The following OSBPL2 variants were observed in gnomAD, a reference collection of about 807,000 sequenced individuals.
OSBPL2 encodes the protein oxysterol binding protein like 2, also known as oxysterol-binding protein-related protein 2.
A neutral mutation model predicts 58.4 loss-of-function variants in OSBPL2; 18 were observed. That is an observed-to-expected ratio of 0.31 (90% CI 0.21 to 0.46). The LOEUF (loss-of-function observed/expected upper bound fraction) is 0.46, where lower values mean the gene tolerates loss of function less well. Among genes scored for constraint, OSBPL2 ranks in the 20% least tolerant of loss-of-function variants. The pLI is 1.00. For missense variants in OSBPL2, 461 were observed against 616.5 expected (o/e 0.75, Z 2.67); for synonymous variants, 221 against 234.1 (o/e 0.94, Z 0.51).
chr20:62,252,131 G>C (rs770880917), intron 1 of OSBPL2, among the ~76,000 whole-genome samples: 1 of 151,888 alleles, frequency 6.6e-6, no homozygotes, highest in African/African-American at 2.4e-5. Context: ...CGATCCACCT[G>C]CCTCAGCCTC....
At chr20:62,282,378 C>G (rs552362719) in intron 9 of OSBPL2, among the ~76,000 whole-genome samples, 2 of 152,302 alleles carry the variant, frequency 1.3e-5, no homozygotes, top group African/African-American at 4.8e-5. Context: ...CAGTACTGTT[C>G]CAACAAATTT....
chr20:62,261,723 C>CT, intron 3 of OSBPL2, among the ~76,000 whole-genome samples: 1 of 152,294 alleles, frequency 6.6e-6, no homozygotes, highest in South Asian at 2.1e-4. Context: ...CCTCTGCATC[C>CT]CTGCCTTTTA....
Position 62,289,329 on chromosome 20 carries a change from G to A in OSBPL2, c.1248G>A (p.Met416Ile), listed in dbSNP as rs1426645697. ...PDIRGMENGN[M>I]DLASQEKERL... ...TCCGCGGCATGGAGAATGGCAACAT[G>A]GGTGCGTCCACGCAGTCAGAGGAGG... The change falls in exon 12 of 14, where the codon ATG (methionine) becomes ATA (isoleucine). Residue 416 changes from methionine to isoleucine, a missense_variant and splice_region_variant. Transcript: ENST00000313733. 1 of 1,612,392 alleles carries A rather than the reference G, an allele frequency of 6.2e-7. No individual in the cohort carries two copies. The highest frequency in any genetic ancestry group is 1.7e-5 in the Admixed American group (1 of 59,830).
intron 2 of OSBPL2, among the ~76,000 whole-genome samples, chr20:62,256,904 C>T (rs1178454810): frequency 6.6e-6 from 1 of 152,236 alleles, no homozygotes; most frequent in Non-Finnish European, 1.5e-5. Context: ...CATGTTCATT[C>T]TCCACTCTTC....
chr20:62,289,006 T>TA (rs1231661085), intron 11 of OSBPL2, among the ~76,000 whole-genome samples: 1 of 152,180 alleles, frequency 6.6e-6, no homozygotes, highest in East Asian at 1.9e-4. Flanking sequence ...ATGCAAACGT[T>TA]ACAGCCGCAG....
chr20:62,278,043 G>C (rs1982499245), intron 6 of OSBPL2, among the ~76,000 whole-genome samples: 1 of 152,312 alleles, frequency 6.6e-6, no homozygotes, highest in Admixed American at 6.5e-5. Context: ...TGTAAGGATT[G>C]CTTCTCCACC....
At chr20:62,245,927 C>A (rs910351873) in intron 1 of OSBPL2, among the ~76,000 whole-genome samples, 1 of 152,342 alleles carries the variant, frequency 6.6e-6, no homozygotes, top group South Asian at 2.1e-4. Flanking sequence ...TGGCAGAAGG[C>A]GTGTTTCAGT....
rs1446819309 is a variant in OSBPL2 at position 62,286,727 on chromosome 20, T to C, written c.1125+16T>C. 5 of 1,601,156 alleles carry C rather than the reference T, an allele frequency of 3.1e-6. No individual in the cohort carries two copies. The highest frequency in any genetic ancestry group is 4.3e-6 in the Non-Finnish European group (5 of 1,171,234). ...CTCTGCCCAGGTCTGTGTCCCTCCA[T>C]GGCCTGACGTCTCTGCCTGCTCATG... is the stretch of plus-strand genomic sequence containing the variant. On this transcript the variant is annotated intron_variant, in intron 11 of 13. Transcript: ENST00000313733.
chr20:62,271,254 A>G (rs966714032), intron 4 of OSBPL2, among the ~76,000 whole-genome samples: 3 of 6,166 alleles, frequency 4.9e-4, no homozygotes, highest in African/African-American at 6.3e-4. Context: ...CCACTAAGCC[A>G]TGCGCCCTGC....
rs1601160124 is a variant in OSBPL2 at position 62,256,248 on chromosome 20, A to G, written c.37+27A>G. ...TGAGTCAAAAGAGAACCAACTGGGGACGTACTGGAAGGGTGAACGTCCCTG... is the reference window on the plus strand; with the variant it reads ...TGAGTCAAAAGAGAACCAACTGGGGGCGTACTGGAAGGGTGAACGTCCCTG... On this transcript the variant is annotated intron_variant, in intron 2 of 13. Coordinates refer to ENST00000313733, the MANE Select transcript of OSBPL2 (RefSeq NM_144498.4). 5.0e-6 allele frequency: 8 copies of G among 1,605,796 alleles called. No individual in the cohort carries two copies. In the East Asian group the frequency reaches 1.8e-4, roughly 36 times the overall value.
rs1303341578 is a variant in OSBPL2 at position 62,269,225 on chromosome 20, C to T, written c.259-2900C>T. Among the ~76,000 whole-genome samples, 4 of 152,262 alleles carry T rather than the reference C, an allele frequency of 2.6e-5. No individual in the cohort carries two copies. Among genetic ancestry groups the T allele is most frequent in the African/African-American group, 7.2e-5 (3 of 41,542 alleles). ...CCGACTTCTGAATCTTTTAATGGCG[C>T]GGCGCTCCCTCACATGGCTGCCACC... On this transcript the variant is annotated intron_variant, in intron 4 of 13. Transcript: ENST00000313733. The surrounding 1 kb of genome is among the most constrained non-coding windows in gnomAD (Gnocchi z 4.2).
rs906682590 is a variant in OSBPL2 at position 62,294,016 on chromosome 20, C to T, written c.*129C>T. Reference sequence around the variant, plus strand: ...ACTGAGTTCGCGGAGATAGCATCATCCCTGATCAAGGATGTAATTCTAATT... The same window carrying T: ...ACTGAGTTCGCGGAGATAGCATCATTCCTGATCAAGGATGTAATTCTAATT... On this transcript the variant is annotated 3_prime_UTR_variant, in exon 14 of 14. Coordinates refer to ENST00000313733, the MANE Select transcript of OSBPL2 (RefSeq NM_144498.4). 1.6e-6 allele frequency: 2 copies of T among 1,220,870 alleles called. No individual in the cohort carries two copies. The highest frequency in any genetic ancestry group is 3.0e-5 in the Admixed American group (1 of 33,006). The allele number at this position is 1,220,870 out of a possible 1,614,324, so 75.6% of individuals were successfully genotyped here.
chr20:62,281,075 C>A lies in OSBPL2; in HGVS notation c.692C>A (p.Thr231Asn), dbSNP rs1407050614. The change falls in exon 8 of 14, where the codon ACC becomes AAC. Residue 231 changes from threonine to asparagine, a missense_variant. By Grantham distance (65) the Thr-to-Asn change is moderately conservative (BLOSUM62 0). Coordinates refer to ENST00000313733, the MANE Select transcript of OSBPL2 (RefSeq NM_144498.4). ...LELLKHNEAY[T>N]WTNPTCCVHN... ...CTTCACAGACATAATGAAGCCTACACCTGGACCAACCCCACCTGCTGCGTC... is the reference window on the plus strand; with the variant it reads ...CTTCACAGACATAATGAAGCCTACAACTGGACCAACCCCACCTGCTGCGTC... 6.2e-7 allele frequency: 1 copy of A among 1,614,014 alleles called. No homozygotes were observed. The highest frequency in any genetic ancestry group is 1.3e-5 in the African/African-American group (1 of 75,066).
chr20:62,239,764 G>A (rs1174098259), intron 1 of OSBPL2, among the ~76,000 whole-genome samples: 1 of 152,160 alleles, frequency 6.6e-6, no homozygotes, highest in Non-Finnish European at 1.5e-5. Flanking sequence ...TTCCTAACTC[G>A]TGCCCATGGC....
At chr20:62,271,998 G>C (rs989819533) in intron 4 of OSBPL2, 127 bp from the exon 5 acceptor site, 2 of 1,117,344 alleles carry the variant, frequency 1.8e-6, no homozygotes, top group Non-Finnish European at 2.6e-6. Flanking sequence ...ACCCATGGGG[G>C]GTTTGAAGAT....
At chr20:62,292,111 A>G (rs1162507314) in intron 13 of OSBPL2, among the ~76,000 whole-genome samples, 1 of 152,136 alleles carries the variant, frequency 6.6e-6, no homozygotes, top group Non-Finnish European at 1.5e-5. Context: ...AGTGCCTGTC[A>G]CCTCAGACCC....
intron 5 of OSBPL2, 23 bp from the exon 6 acceptor site, chr20:62,273,286 T>TC (rs758157510): frequency 2.4e-5 from 38 of 1,590,040 alleles, no homozygotes; most frequent in East Asian, 6.8e-5. Context: ...GCTGTGCCTG[T>TC]CCCCCCCGTG....
At position 62,279,134 on chromosome 20, in the gene OSBPL2, C is replaced by T. The variant is rs370305474; in HGVS notation, c.492-23C>T. ...TTATTTTGCTGCCATTAATGTGTCT[C>T]TCTTTTTTATTCTTTGACCTAGGGA... is the stretch of plus-strand genomic sequence containing the variant. On this transcript the variant is annotated intron_variant, in intron 6 of 13. Coordinates refer to ENST00000313733, the MANE Select transcript of OSBPL2 (RefSeq NM_144498.4). 31 of 1,589,632 alleles carry T rather than the reference C, an allele frequency of 2.0e-5. No homozygotes were observed. In the African/African-American group the frequency reaches 3.1e-4, roughly 16 times the overall value.
chr20:62,239,706 C>G (rs1210171521), intron 1 of OSBPL2, among the ~76,000 whole-genome samples: 1 of 152,228 alleles, frequency 6.6e-6, no homozygotes, highest in African/African-American at 2.4e-5. Flanking sequence ...GAGCCCGGAA[C>G]TGGTGCAGGG....
Sources: gnomAD v4.1 joint callset for allele counts (sites outside exome capture counted in the v4.1 genomes callset) on GRCh38, gnomAD v4.1.1 for gene constraint, Gnocchi (gnomAD v3.1) non-coding constraint, MANE v1.5 for transcripts, NCBI Gene and HGNC (gene_info 2026-07-23, HGNC 2026-07-21) for gene names.